Variants in SOX6 observed in about 807,000 individuals in gnomAD.
The protein encoded by SOX6 is transcription factor SOX-6.
In SOX6, 11 loss-of-function variants were observed where a neutral mutation model predicts 97.8. The ratio of observed to expected loss-of-function variants is 0.11; its 90% CI spans 0.07 to 0.19. SOX6 has a LOEUF of 0.19. Among genes scored for constraint, SOX6 ranks in the 10% least tolerant of loss-of-function variants. SOX6 has a pLI of 1.00. For missense variants in SOX6, 810 were observed against 1,039.5 expected (o/e 0.78, Z 3.04); for synonymous variants, 360 against 371.4 (o/e 0.97, Z 0.35).
chr11:16,209,502 T>A (rs1402294810), intron 4 of SOX6, among the ~76,000 whole-genome samples: 3 of 152,114 alleles, frequency 2.0e-5, no homozygotes, highest in Non-Finnish European at 4.4e-5. Context: ...ACACCGGTAA[T>A]CCCAGCACTT....
intron 3 of SOX6, among the ~76,000 whole-genome samples, chr11:16,290,609 A>T (rs1854885241): frequency 6.6e-6 from 1 of 152,130 alleles, no homozygotes; most frequent in Non-Finnish European, 1.5e-5. Context: ...TAAAAACAAC[A>T]GACATTCAAT....
chr11:16,460,675 A>C (rs1330755347), intron 1 of SOX6, among the ~76,000 whole-genome samples: 1 of 152,100 alleles, frequency 6.6e-6, no homozygotes, highest in East Asian at 1.9e-4. Flanking sequence ...CATGTGGACA[A>C]GGACAGAATG....
chr11:16,493,230 A>G (rs1860538459), intron 4 of SOX6, among the ~76,000 whole-genome samples: 2 of 152,250 alleles, frequency 1.3e-5, no homozygotes, highest in Non-Finnish European at 2.9e-5. Flanking sequence ...ATATAATCAT[A>G]GAATGGAACA....
chr11:16,061,776 A>G (rs1200342075), intron 9 of SOX6, among the ~76,000 whole-genome samples: 1 of 151,872 alleles, frequency 6.6e-6, no homozygotes, highest in Non-Finnish European at 1.5e-5. Context: ...CAAAATTGAT[A>G]AGAACATGTA....
chr11:16,396,738 T>C (rs1858370633), intron 1 of SOX6, among the ~76,000 whole-genome samples: 1 of 151,624 alleles, frequency 6.6e-6, no homozygotes, highest in African/African-American at 2.4e-5. Context: ...AAGTAATTTA[T>C]GCAAAATCTC....
Position 16,318,582 on chromosome 11 carries a change from G to A in SOX6, c.309C>T (p.Asp103=), listed in dbSNP as rs200123857. 1.4e-5 allele frequency: 23 copies of A among 1,613,464 alleles called. No individual in the cohort carries two copies. Among genetic ancestry groups the A allele is most frequent in the East Asian group, 4.5e-5 (2 of 44,860 alleles). Residue 103 remains aspartate (D), a synonymous_variant, in exon 3 of 16, where the codon GAC becomes GAT. Coordinates refer to ENST00000683767, the MANE Select transcript of SOX6 (RefSeq NM_001367873.1). ...RNTSTSPHKP[D]EGSRDREIMT... Reference sequence around the variant, plus strand: ...TTATCTCACGGTCCCGACTCCCTTCGTCAGGCTTATGTGGTGAGGTAGAGG... The same window carrying A: ...TTATCTCACGGTCCCGACTCCCTTCATCAGGCTTATGTGGTGAGGTAGAGG...
In SOX6 at chr11:15,972,849, C is replaced by T. The variant is rs778585150; in HGVS notation, c.2447G>A (p.Ser816Asn). The change falls in exon 16 of 16, where the codon AGC becomes AAC. Residue 816 changes from serine (S) to asparagine (N), a missense_variant. By Grantham distance (46) the Ser-to-Asn change is conservative. Coordinates refer to ENST00000683767, the MANE Select transcript of SOX6 (RefSeq NM_001367873.1). ...AGCCTCCGGGGCTTCATTTTCACTG[C>T]TATAGTCTGATTTGGGGTCATCTTC... ...DYEDDPKSDY[S>N]SENEAPEAVS... The T allele has an allele frequency of 2.0e-5, 33 of 1,614,098 alleles. No individual in the cohort carries two copies. The highest frequency in any genetic ancestry group is 1.0e-4 in the Admixed American group (6 of 60,002).
intron 3 of SOX6, among the ~76,000 whole-genome samples, chr11:16,267,498 T>C (rs1329606588): frequency 6.6e-6 from 1 of 151,584 alleles, no homozygotes; most frequent in Non-Finnish European, 1.5e-5. Context: ...GGAGATATCA[T>C]TGCACACCTG....
intron 4 of SOX6, among the ~76,000 whole-genome samples, chr11:16,197,080 C>G (rs1300055085): frequency 2.0e-5 from 3 of 152,010 alleles, no homozygotes; most frequent in African/African-American, 7.2e-5. Flanking sequence ...GTGATCTGCC[C>G]ACCTTGTCCT....
intron 2 of SOX6, among the ~76,000 whole-genome samples, chr11:16,733,390 T>C (rs1848365831): frequency 6.6e-6 from 1 of 152,068 alleles, no homozygotes; most frequent in Admixed American, 6.5e-5. Flanking sequence ...TGGAATACTA[T>C]GCAGTCATAA....
At chr11:16,001,632 G>A (rs1017416262) in intron 13 of SOX6, among the ~76,000 whole-genome samples, 1 of 152,122 alleles carries the variant, frequency 6.6e-6, no homozygotes, top group African/African-American at 2.4e-5. Context: ...CCACTTCCCT[G>A]CCCAGCTAAG....
At chr11:16,366,261 A>T (rs1476087599) in intron 1 of SOX6, among the ~76,000 whole-genome samples, 2 of 152,088 alleles carry the variant, frequency 1.3e-5, no homozygotes, top group Non-Finnish European at 2.9e-5. Context: ...TCTCCCATAC[A>T]GTGTTTAATC....
At chr11:16,548,486 G>T (rs1847645063) in intron 4 of SOX6, among the ~76,000 whole-genome samples, 1 of 152,094 alleles carries the variant, frequency 6.6e-6, no homozygotes, top group Non-Finnish European at 1.5e-5. Flanking sequence ...ATGGGCCATA[G>T]ACCTAAATAT....
intron 3 of SOX6, among the ~76,000 whole-genome samples, chr11:16,664,822 T>G (rs949852817): frequency 1.3e-5 from 2 of 151,628 alleles, no homozygotes; most frequent in Admixed American, 1.3e-4. Flanking sequence ...GAGCAAAGGG[T>G]AAAGAGTACT....
rs78496643 is a variant in SOX6 at position 16,633,172 on chromosome 11, T to C, written n.430-20912A>G. Reference sequence around the variant, plus strand: ...GAGTTGAGAGGGCCCTGCCACACCATGATCTAAATAGTATTTTTAATACTG... The same window carrying C: ...GAGTTGAGAGGGCCCTGCCACACCACGATCTAAATAGTATTTTTAATACTG... On this transcript the variant is annotated intron_variant and non_coding_transcript_variant, in intron 3 of 5. Coordinates refer to the SOX6 transcript ENST00000524520. 7.9e-3 allele frequency among the ~76,000 whole-genome samples: 1,200 copies of C among 152,342 alleles called. 14 individuals are homozygous for C. The highest frequency in any genetic ancestry group is 0.028 in the African/African-American group (1,144 of 41,574).
intron 15 of SOX6, among the ~76,000 whole-genome samples, chr11:15,974,378 C>CTTTTTTTTTTTT (rs35597667): frequency 5.1e-3 from 434 of 85,640 alleles, no homozygotes; most frequent in Middle Eastern, 0.011. Context: ...TTAGCTCTCT[C>CTTTTTTTTTTTT]TTTTTTTTTT....
intron 12 of SOX6, among the ~76,000 whole-genome samples, chr11:16,021,137 A>G (rs1855047681): frequency 2.0e-5 from 3 of 152,186 alleles, no homozygotes; most frequent in African/African-American, 7.2e-5. Flanking sequence ...GATTAATACA[A>G]TCCATCTTTG....
chr11:16,709,415 C>T lies in SOX6; in HGVS notation n.429+5415G>A, dbSNP rs148801747. Among the ~76,000 whole-genome samples the T allele has an allele frequency of 7.1e-3, 1,081 of 152,086 alleles. 14 individuals carry two copies. Among genetic ancestry groups the T allele is most frequent in the African/African-American group, 0.023 (974 of 41,500 alleles). ...CACTGGTAGTCCCAGCTACTTGGGACGCTGAGGCACGAGAATCACTTGAAC... is the reference window on the plus strand; with the variant it reads ...CACTGGTAGTCCCAGCTACTTGGGATGCTGAGGCACGAGAATCACTTGAAC... On this transcript the variant is annotated intron_variant and non_coding_transcript_variant, in intron 3 of 5. Transcript: ENST00000524520.
At chr11:16,173,821 A>T (rs1041843545) in intron 6 of SOX6, among the ~76,000 whole-genome samples, 5 of 150,864 alleles carry the variant, frequency 3.3e-5, no homozygotes, top group African/African-American at 4.8e-5. Flanking sequence ...ATATTAAAAA[A>T]GTTGAAATTT....
Sources: gnomAD v4.1 joint callset for allele counts (sites outside exome capture counted in the v4.1 genomes callset) on GRCh38, gnomAD v4.1.1 for gene constraint, MANE v1.5 for transcripts, NCBI Gene and HGNC (gene_info 2026-07-23, HGNC 2026-07-21) for gene names.